Variants in ELAVL4 observed in about 807,000 individuals in gnomAD.
ELAVL4 encodes the protein ELAV like RNA binding protein 4, also known as ELAV-like protein 4.
In ELAVL4, 1 loss-of-function variant was observed where a neutral mutation model predicts 35.6. The ratio of observed to expected loss-of-function variants is 0.03; its 90% CI spans 0.01 to 0.13. The LOEUF is 0.13. Ranked by LOEUF, ELAVL4 falls within the 10% of genes least tolerant of loss-of-function variation. The pLI, the probability that ELAVL4 is intolerant of heterozygous loss-of-function variation, is 1.00. For missense variants in ELAVL4, 267 were observed against 464.9 expected (o/e 0.57, Z 3.91); for synonymous variants, 156 against 171.0 (o/e 0.91, Z 0.69).
chr1:50,072,421 A>G (rs1365255495), intron 1 of ELAVL4, among the ~76,000 whole-genome samples: 1 of 152,186 alleles, frequency 6.6e-6, no homozygotes, highest in African/African-American at 2.4e-5. Flanking sequence ...CAGCAGAGAC[A>G]TGAGCATGCT....
At chr1:50,177,268 C>CCTGGATT in intron 3 of ELAVL4, 76 bp downstream of exon 3, 2 of 1,121,044 alleles carry the variant, frequency 1.8e-6, no homozygotes, top group Non-Finnish European at 2.7e-6. Flanking sequence ...TAAATCCAGG[C>CCTGGATT]TATGTGGGGG....
chr1:50,106,544 T>C (rs1321806182), upstream of ELAVL4, among the ~76,000 whole-genome samples: 1 of 152,138 alleles, frequency 6.6e-6, no homozygotes, highest in East Asian at 1.9e-4. Flanking sequence ...CTCGCCTGCC[T>C]GATTCTTGAG....
intron 1 of ELAVL4, among the ~76,000 whole-genome samples, chr1:50,132,792 C>T (rs1261003219): frequency 6.6e-6 from 1 of 152,106 alleles, no homozygotes; most frequent in Non-Finnish European, 1.5e-5. Context: ...TTTTAAAAAA[C>T]AACTTCCTTT....
chr1:50,178,199 C>T (rs1044782709), intron 3 of ELAVL4, among the ~76,000 whole-genome samples: 7 of 152,200 alleles, frequency 4.6e-5, no homozygotes, highest in Admixed American at 1.3e-4. Flanking sequence ...GGAAGTGTCT[C>T]CTGGGCGCTC....
intron 1 of ELAVL4, among the ~76,000 whole-genome samples, chr1:50,097,529 G>T (rs1039933409): frequency 3.3e-5 from 5 of 152,170 alleles, no homozygotes; most frequent in African/African-American, 9.7e-5. Flanking sequence ...GAAGTGGTTT[G>T]CCTGAGGTCA....
intron 3 of ELAVL4, among the ~76,000 whole-genome samples, chr1:50,187,309 A>T (rs944980834): frequency 2.6e-5 from 4 of 152,222 alleles, no homozygotes; most frequent in African/African-American, 7.2e-5. Flanking sequence ...AGGCCTGATT[A>T]TACAGCAAGT....
At chr1:50,052,331 A>C (rs1663427982) in intron 1 of ELAVL4, among the ~76,000 whole-genome samples, 1 of 152,142 alleles carries the variant, frequency 6.6e-6, no homozygotes, top group South Asian at 2.1e-4. Context: ...CTACACATAC[A>C]CACCCCACAC....
At chr1:50,127,529 G>A (rs1052763208) in intron 1 of ELAVL4, among the ~76,000 whole-genome samples, 1 of 152,080 alleles carries the variant, frequency 6.6e-6, no homozygotes, top group African/African-American at 2.4e-5. Flanking sequence ...TCAGATTATG[G>A]TACTTGGCTC....
At chr1:50,133,655 A>AAGAAAGAGAG in intron 1 of ELAVL4, among the ~76,000 whole-genome samples, 1 of 127,016 alleles carries the variant, frequency 7.9e-6, no homozygotes, top group African/African-American at 2.9e-5. Flanking sequence ...AAGAAAGAGA[A>AAGAAAGAGAG]AGAAAGAAAG....
chr1:50,190,703 G>T (rs975855183), intron 3 of ELAVL4, among the ~76,000 whole-genome samples: 1 of 152,198 alleles, frequency 6.6e-6, no homozygotes, highest in Non-Finnish European at 1.5e-5. Context: ...AATGGTTTTT[G>T]TTGTGTCACC....
At chr1:50,173,559 G>T (rs1454567070) in intron 2 of ELAVL4, among the ~76,000 whole-genome samples, 1 of 152,190 alleles carries the variant, frequency 6.6e-6, no homozygotes, top group Non-Finnish European at 1.5e-5. Context: ...TCACAGTAAG[G>T]GTTGTAGGTC....
At chr1:50,134,803 T>C (rs1396632802) in intron 1 of ELAVL4, among the ~76,000 whole-genome samples, 1 of 152,064 alleles carries the variant, frequency 6.6e-6, no homozygotes, top group African/African-American at 2.4e-5. Context: ...GAGAGTTTGT[T>C]GTAAAAGTCA....
chr1:50,110,541 C>G lies in ELAVL4; in HGVS notation c.9+1343C>G, dbSNP rs143782342. Among the ~76,000 whole-genome samples the G allele has an allele frequency of 1.4e-4, 21 of 152,242 alleles. No individual in the cohort carries two copies. The East Asian group carries it at 3.9e-3, about 28-fold the overall frequency. On this transcript the variant is annotated intron_variant, in intron 1 of 6. Transcript: ENST00000371824. ...AGAAGCAGGGAAACTCCTTGAGTGCCGCTTCTGTCGCCTGATGTTGACCCT... is the reference window on the plus strand; with the variant it reads ...AGAAGCAGGGAAACTCCTTGAGTGCGGCTTCTGTCGCCTGATGTTGACCCT...
At chr1:50,135,451 A>G (rs1671730734) in intron 1 of ELAVL4, among the ~76,000 whole-genome samples, 2 of 152,148 alleles carry the variant, frequency 1.3e-5, no homozygotes, top group Non-Finnish European at 2.9e-5. Flanking sequence ...GAGACTGCTT[A>G]AAACAAAGGG....
At chr1:50,059,553 T>TA (rs912595851) in intron 1 of ELAVL4, among the ~76,000 whole-genome samples, 54 of 147,404 alleles carry the variant, frequency 3.7e-4, no homozygotes, top group South Asian at 6.4e-4. Context: ...GGAGGTTTTT[T>TA]AAAAAAAAAA....
chr1:50,116,123 C>T (rs1399017191), intron 1 of ELAVL4, among the ~76,000 whole-genome samples: 1 of 152,116 alleles, frequency 6.6e-6, no homozygotes, highest in Non-Finnish European at 1.5e-5. Context: ...TCCACATCTT[C>T]AGCCTCAGGA....
rs1405964458 is a variant in ELAVL4 at position 50,145,122 on chromosome 1, C to CAAG, written c.181_183dup (p.Glu61dup). 1 of 1,613,876 alleles carries CAAG rather than the reference C, an allele frequency of 6.2e-7. No individual in the cohort carries two copies. Among genetic ancestry groups the CAAG allele is most frequent in the African/African-American group, 1.3e-5 (1 of 74,966 alleles). On this transcript the variant is annotated inframe_insertion, in exon 2 of 7. Transcript: ENST00000371824. Reference sequence around the variant, plus strand: ...CAACTATTTACCCCAGAATATGACCCAAGAAGAATTCAGGAGTCTCTTCGG... The same window carrying CAAG: ...CAACTATTTACCCCAGAATATGACCCAAGAAGAAGAATTCAGGAGTCTCTTCGG...
chr1:50,103,175 C>A (rs564709697), upstream of ELAVL4, among the ~76,000 whole-genome samples: 1 of 152,140 alleles, frequency 6.6e-6, no homozygotes, highest in East Asian at 1.9e-4. Flanking sequence ...GAACTCTTGG[C>A]GATTTAGACA....
intron 1 of ELAVL4, among the ~76,000 whole-genome samples, chr1:50,048,669 C>A (rs1260605940): frequency 6.6e-6 from 1 of 152,170 alleles, no homozygotes; most frequent in African/African-American, 2.4e-5. Context: ...CTCAGGGGGC[C>A]CCTCTGTGTG....
Sources: gnomAD v4.1 joint callset for allele counts (sites outside exome capture counted in the v4.1 genomes callset) on GRCh38, gnomAD v4.1.1 for gene constraint, MANE v1.5 for transcripts, NCBI Gene and HGNC (gene_info 2026-07-23, HGNC 2026-07-21) for gene names.